Variants in EXOC4 observed in about 807,000 individuals in gnomAD.
The protein encoded by EXOC4 is SEC8-like 1.
In EXOC4, 71 loss-of-function variants were observed where a neutral mutation model predicts 107.2. That is an observed-to-expected ratio of 0.66 (90% CI 0.55 to 0.81). The LOEUF (loss-of-function observed/expected upper bound fraction) is 0.81, where lower values mean the gene tolerates loss of function less well. EXOC4 is among the 30% of genes least tolerant of loss of function. The pLI, the probability that EXOC4 is intolerant of heterozygous loss-of-function variation, is 0.00. For synonymous variants in EXOC4, 456 were observed against 441.2 expected (o/e 1.03, Z -0.42); for missense variants, 1,108 against 1,189.6 (o/e 0.93, Z 1.01).
chr7:134,025,309 A>G (rs546204636), intron 17 of EXOC4, among the ~76,000 whole-genome samples: 17 of 152,190 alleles, frequency 1.1e-4, no homozygotes, highest in Admixed American at 2.0e-4. Flanking sequence ...CTGTCTATCA[A>G]GAGTTTTTAT....
intron 10 of EXOC4, among the ~76,000 whole-genome samples, chr7:133,810,332 GT>G (rs1797190503): frequency 6.6e-6 from 1 of 152,134 alleles, no homozygotes; most frequent in Non-Finnish European, 1.5e-5. Flanking sequence ...GGATGCTTGA[GT>G]GAAATTTTAA....
In EXOC4 at chr7:134,005,035, T is replaced by A; in HGVS notation, c.2472T>A (p.Ile824=). The change falls in exon 16 of 18, where the codon ATT becomes ATA. Residue 824 remains isoleucine, a synonymous_variant. Coordinates refer to ENST00000253861, the MANE Select transcript of EXOC4 (RefSeq NM_021807.4). ...VVKLNKDISA[I]EEAMSASLQQ... The stretch of plus-strand genomic sequence containing the variant: ...AGCTCAACAAAGATATCAGCGCCAT[T>A]GAAGAGGCCATGAGCGCCAGCCTTC... 6.2e-7 allele frequency: 1 copy of A among 1,613,576 alleles called. No individual in the cohort carries two copies. The highest frequency in any genetic ancestry group is 1.7e-5 in the Admixed American group (1 of 59,972).
chr7:133,551,402 C>A (rs73150814), intron 9 of EXOC4, among the ~76,000 whole-genome samples: 2 of 151,910 alleles, frequency 1.3e-5, no homozygotes, highest in African/African-American at 4.8e-5. Flanking sequence ...AGGATAGATT[C>A]ATCATGTTAT....
intron 14 of EXOC4, among the ~76,000 whole-genome samples, chr7:133,945,173 C>A (rs1417791581): frequency 6.6e-6 from 1 of 152,110 alleles, no homozygotes; most frequent in Non-Finnish European, 1.5e-5. Flanking sequence ...ACACCCCAGA[C>A]CAATCAAATC....
At chr7:133,845,351 T>TGTGA in intron 11 of EXOC4, among the ~76,000 whole-genome samples, 1 of 149,864 alleles carries the variant, frequency 6.7e-6, no homozygotes, top group East Asian at 1.9e-4. Context: ...TGTGTGTGTG[T>TGTGA]GTGTGTGTGT....
intron 9 of EXOC4, among the ~76,000 whole-genome samples, chr7:133,502,525 C>A (rs1799594028): frequency 6.6e-6 from 1 of 151,888 alleles, no homozygotes; most frequent in African/African-American, 2.4e-5. Flanking sequence ...TGCTAATTTG[C>A]TTTTTTGTGT....
At chr7:133,399,354 T>G (rs1797039060) in intron 7 of EXOC4, among the ~76,000 whole-genome samples, 1 of 152,228 alleles carries the variant, frequency 6.6e-6, no homozygotes, top group Admixed American at 6.5e-5. Flanking sequence ...TGTATATTTT[T>G]CACAAAATTT....
intron 9 of EXOC4, among the ~76,000 whole-genome samples, chr7:133,526,240 G>A (rs1374593784): frequency 6.6e-6 from 1 of 152,116 alleles, no homozygotes; most frequent in Non-Finnish European, 1.5e-5. Context: ...ATAAACCAAA[G>A]GATAAATCAG....
chr7:133,692,846 A>G (rs965813787), intron 10 of EXOC4, among the ~76,000 whole-genome samples: 12 of 152,152 alleles, frequency 7.9e-5, no homozygotes, highest in African/African-American at 2.2e-4. Flanking sequence ...AATATTGTCA[A>G]TGAAGTAGAA....
At chr7:133,397,215 C>T (rs1009645866) in intron 7 of EXOC4, among the ~76,000 whole-genome samples, 1 of 151,644 alleles carries the variant, frequency 6.6e-6, no homozygotes, top group African/African-American at 2.4e-5. Flanking sequence ...CCGCAACTTC[C>T]ACCTTCTGGG....
chr7:133,962,304 T>C (rs1270048163), intron 14 of EXOC4, among the ~76,000 whole-genome samples: 1 of 152,210 alleles, frequency 6.6e-6, no homozygotes, highest in Non-Finnish European at 1.5e-5. Context: ...CTCTCCTTCT[T>C]GTTAGTGTAG....
chr7:133,947,576 C>G (rs1172942071), intron 14 of EXOC4, among the ~76,000 whole-genome samples: 1 of 152,164 alleles, frequency 6.6e-6, no homozygotes, highest in Non-Finnish European at 1.5e-5. Context: ...CCAAACCCAA[C>G]CACAATTCCC....
intron 10 of EXOC4, among the ~76,000 whole-genome samples, chr7:133,813,071 C>T (rs945175278): frequency 6.6e-6 from 1 of 152,146 alleles, no homozygotes; most frequent in Non-Finnish European, 1.5e-5. Context: ...AATGAGTCCC[C>T]TCCAGTTAGG....
At chr7:133,641,416 A>G (rs1173328747) in intron 10 of EXOC4, among the ~76,000 whole-genome samples, 1 of 143,948 alleles carries the variant, frequency 6.9e-6, no homozygotes, top group Non-Finnish European at 1.5e-5. Context: ...AAATCTCTAC[A>G]CTGTCCTGAG....
At chr7:133,646,225 C>G (rs1460915866) in intron 10 of EXOC4, among the ~76,000 whole-genome samples, 1 of 152,050 alleles carries the variant, frequency 6.6e-6, no homozygotes, top group East Asian at 1.9e-4. Context: ...TTCTTCTTTC[C>G]AGAAGAAAAA....
chr7:133,266,491 C>T (rs1002693671), intron 1 of EXOC4, among the ~76,000 whole-genome samples: 10 of 152,200 alleles, frequency 6.6e-5, no homozygotes, highest in African/African-American at 1.7e-4. Context: ...TCTTGAGGCT[C>T]GGGCAAGAGC....
chr7:133,552,022 G>A (rs1334726807), intron 9 of EXOC4, among the ~76,000 whole-genome samples: 1 of 152,142 alleles, frequency 6.6e-6, no homozygotes, highest in Non-Finnish European at 1.5e-5. Context: ...ATTTTTAAAA[G>A]TAATAGTAAT....
chr7:133,686,992 TTTGTGTGTGTG>T (rs1334975728), intron 10 of EXOC4, among the ~76,000 whole-genome samples: 1 of 40,706 alleles, frequency 2.5e-5, no homozygotes, highest in Non-Finnish European at 5.2e-5. Flanking sequence ...GATAAAGAAT[TTTGTGTGTGTG>T]TGTGTGTGTG....
At chr7:133,263,788 C>CT (rs1554426633) in intron 1 of EXOC4, among the ~76,000 whole-genome samples, 1 of 152,156 alleles carries the variant, frequency 6.6e-6, no homozygotes, top group Non-Finnish European at 1.5e-5. Flanking sequence ...TGGTGGGAAA[C>CT]AGGTTGATTG....
Sources: allele counts gnomAD v4.1 joint callset (sites outside exome capture counted in the v4.1 genomes callset), GRCh38; gene constraint gnomAD v4.1.1; transcripts MANE v1.5; gene names NCBI Gene and HGNC (gene_info 2026-07-23, HGNC 2026-07-21).